Variants in GNPTAB observed in about 807,000 individuals in gnomAD.
GNPTAB encodes the protein N-acetylglucosamine-1-phosphate transferase subunits alpha and beta.
In GNPTAB, 92 loss-of-function variants were observed where a neutral mutation model predicts 136.6. The ratio of observed to expected loss-of-function variants is 0.67; its 90% CI spans 0.57 to 0.80. The LOEUF is 0.80. GNPTAB is among the 30% of genes least tolerant of loss of function. The pLI is 0.00. For synonymous variants in GNPTAB, 512 were observed against 535.1 expected (o/e 0.96, Z 0.60); for missense variants, 1,343 against 1,501.8 (o/e 0.89, Z 1.75).
At chr12:101,829,905 G>A (rs977966171) in intron 1 of GNPTAB, among the ~76,000 whole-genome samples, 3 of 149,298 alleles carry the variant, frequency 2.0e-5, no homozygotes, top group Non-Finnish European at 4.4e-5. Context: ...CTCTTACGGA[G>A]CTTACAATCC....
In GNPTAB at chr12:101,761,223, G is replaced by C. The variant is rs1952987216; in HGVS notation, c.3039C>G (p.Val1013=). 1.2e-6 allele frequency: 2 copies of C among 1,613,710 alleles called. No homozygotes were observed. The highest frequency in any genetic ancestry group is 1.3e-5 in the African/African-American group (1 of 74,916). ...SAVQPLNISQ[V]FDEVDTDQSG... is the part of the protein sequence containing the mutation. ...ATTGATCTGTATCAACTTCATCAAA[G>C]ACTTGAGATATATTCAGTGGCTGCA... The change falls in exon 15 of 21, where the codon GTC becomes GTG. Residue 1013 remains valine (V), a synonymous_variant. Transcript: ENST00000299314.
chr12:101,788,072 G>A (rs768067596), intron 4 of GNPTAB, among the ~76,000 whole-genome samples: 1 of 152,162 alleles, frequency 6.6e-6, no homozygotes. Flanking sequence ...ATCAGAGTCA[G>A]GAATGACTCA....
At chr12:101,798,525 C>T (rs1869429340) in intron 1 of GNPTAB, among the ~76,000 whole-genome samples, 1 of 152,198 alleles carries the variant, frequency 6.6e-6, no homozygotes, top group Admixed American at 6.5e-5. Flanking sequence ...CCAGAACTTA[C>T]ACAAATCTAT....
Position 101,764,250 on chromosome 12 carries a change from C to T in GNPTAB, c.2667G>A (p.Leu889=). 1 of 1,614,050 alleles carries T rather than the reference C, an allele frequency of 6.2e-7. No individual in the cohort carries two copies. Among genetic ancestry groups the T allele is most frequent in the Non-Finnish European group, 8.5e-7 (1 of 1,179,962 alleles). Residue 889 remains leucine, a synonymous_variant, in exon 13 of 21, where the codon TTG becomes TTA. Transcript: ENST00000299314. ...TTTTTTTCTCCCATGGCAAAAAGCCCAAGTAACTATCTGTGTAATGCTGCA... is the reference window on the plus strand; with the variant it reads ...TTTTTTTCTCCCATGGCAAAAAGCCTAAGTAACTATCTGTGTAATGCTGCA... ...RKLQHYTDSY[L]GFLPWEKKKY...
chr12:101,801,532 C>G (rs1869622873), intron 1 of GNPTAB, among the ~76,000 whole-genome samples: 1 of 91,382 alleles, frequency 1.1e-5, no homozygotes, highest in South Asian at 3.4e-4. Flanking sequence ...AGAAAGAGAC[C>G]CTGTCTCAAA....
chr12:101,798,266 C>A (rs1245772610), intron 1 of GNPTAB, among the ~76,000 whole-genome samples: 1 of 152,164 alleles, frequency 6.6e-6, no homozygotes, highest in Non-Finnish European at 1.5e-5. Flanking sequence ...ATCTCCTTTG[C>A]CAGCTCATTC....
At chr12:101,779,968 T>C in intron 7 of GNPTAB, 184 bp downstream of exon 7, 1 of 649,730 alleles carries the variant, frequency 1.5e-6, no homozygotes, top group Admixed American at 2.6e-5. Context: ...GCAAACCAAA[T>C]AAGACTCTTA....
chr12:101,766,634 G>A (rs563062597), intron 11 of GNPTAB, among the ~76,000 whole-genome samples: 8 of 152,176 alleles, frequency 5.3e-5, no homozygotes, highest in African/African-American at 7.2e-5. Flanking sequence ...GTGAAACTCC[G>A]TCTCAAAAAA....
chr12:101,785,957 T>G lies in GNPTAB; in HGVS notation c.571+55A>C, dbSNP rs528969227. The G allele has an allele frequency of 2.3e-6, 3 of 1,278,716 alleles. No individual in the cohort carries two copies. The East Asian group carries it at 7.1e-5, about 30-fold the overall frequency. 79.2% of individuals were successfully genotyped at this position (1,278,716 alleles called of 1,614,324 possible). A position where few individuals can be genotyped will look rare whatever the true frequency, so the allele number is the denominator to read the frequency against. On this transcript the variant is annotated intron_variant, in intron 5 of 20. Transcript: ENST00000299314. ...CATTTCTATTCCACTCAGAATTTTG[T>G]TATTCAAACATCCAATGATAACATG...
At chr12:101,762,504 T>C (rs1953013965) in intron 13 of GNPTAB, among the ~76,000 whole-genome samples, 1 of 152,134 alleles carries the variant, frequency 6.6e-6, no homozygotes. Context: ...CTCACTGAAA[T>C]GTAAGATATA....
chr12:101,749,144 G>A lies in GNPTAB; in HGVS notation c.3650C>T (p.Ala1217Val), dbSNP rs762869691. ...KLKFWTHCVLATLIMFTIFSF... is the reference protein window; with the variant it reads ...KLKFWTHCVLVTLIMFTIFSF... ...GAATATAGTAAACATAATCAATGTTGCTAGTACACAATGGGTCCAAAACTT... is the reference window on the plus strand; with the variant it reads ...GAATATAGTAAACATAATCAATGTTACTAGTACACAATGGGTCCAAAACTT... Residue 1217 changes from alanine (A) to valine (V), a missense_variant, in exon 20 of 21, where the codon GCA becomes GTA. Transcript: ENST00000299314. The A allele has an allele frequency of 1.2e-5, 19 of 1,612,468 alleles. No individual in the cohort carries two copies. Among genetic ancestry groups the A allele is most frequent in the Non-Finnish European group, 1.6e-5 (19 of 1,178,796 alleles).
chr12:101,795,574 G>A (rs1280440407), intron 2 of GNPTAB, among the ~76,000 whole-genome samples: 3 of 151,944 alleles, frequency 2.0e-5, no homozygotes, highest in African/African-American at 7.3e-5. Context: ...ACAACATGAC[G>A]AAATTCCGTC....
At chr12:101,813,466 T>C (rs997749362) in intron 1 of GNPTAB, among the ~76,000 whole-genome samples, 1 of 152,208 alleles carries the variant, frequency 6.6e-6, no homozygotes, top group African/African-American at 2.4e-5. Flanking sequence ...GTCCAGATTT[T>C]CTATTATGTG....
chr12:101,752,070 T>C (rs1041292101), intron 19 of GNPTAB, among the ~76,000 whole-genome samples: 1 of 151,242 alleles, frequency 6.6e-6, no homozygotes, highest in African/African-American at 2.4e-5. Context: ...ACACGCAATA[T>C]TGCTAGTGAT....
chr12:101,815,126 G>A (rs1870450928), intron 1 of GNPTAB, among the ~76,000 whole-genome samples: 4 of 152,174 alleles, frequency 2.6e-5, no homozygotes, highest in African/African-American at 9.7e-5. Context: ...GAATGCAGTG[G>A]CATGATCTCA....
At position 101,757,217 on chromosome 12, in the gene GNPTAB, G is replaced by T. The variant is rs971386555; in HGVS notation, c.3429C>A (p.Asn1143Lys). The T allele has an allele frequency of 6.5e-7, 1 of 1,549,024 alleles. No individual in the cohort carries two copies. Among genetic ancestry groups the T allele is most frequent in the Non-Finnish European group, 8.9e-7 (1 of 1,121,570 alleles). Reference sequence around the variant, plus strand: ...TTATATATAAAAATCAGTACCTAGGGTTTTTTCTTATGTCATCCAACTGGC... The same window carrying T: ...TTATATATAAAAATCAGTACCTAGGTTTTTTTCTTATGTCATCCAACTGGC... ...VVGQLDDIRK[N>K]PRKFVCLNDN... Residue 1143 changes from asparagine (N) to lysine (K), a missense_variant, in exon 18 of 21, where the codon AAC (asparagine) becomes AAA (lysine). By Grantham distance (94) the Asn-to-Lys change is moderately conservative. Transcript: ENST00000299314.
chr12:101,748,892 G>T (rs957965759), intron 20 of GNPTAB, among the ~76,000 whole-genome samples: 1 of 152,180 alleles, frequency 6.6e-6, no homozygotes, highest in African/African-American at 2.4e-5. Context: ...AAGAATACTG[G>T]TAATGGATTT....
chr12:101,772,651 C>T (rs147701762), intron 7 of GNPTAB, among the ~76,000 whole-genome samples: 165 of 152,150 alleles, frequency 1.1e-3, no homozygotes, highest in African/African-American at 3.8e-3. Flanking sequence ...GCATATGTGC[C>T]GGGTGCTGGG....
chr12:101,754,245 G>A (rs1191697969), intron 18 of GNPTAB, among the ~76,000 whole-genome samples: 1 of 151,956 alleles, frequency 6.6e-6, no homozygotes, highest in African/African-American at 2.4e-5. Context: ...TAGCCAACAT[G>A]GTGAAACCCT....
Sources: gnomAD v4.1 joint callset for allele counts (sites outside exome capture counted in the v4.1 genomes callset) on GRCh38, gnomAD v4.1.1 for gene constraint, MANE v1.5 for transcripts, NCBI Gene and HGNC (gene_info 2026-07-23, HGNC 2026-07-21) for gene names.